Variants in STOX2 observed in about 807,000 individuals in gnomAD.
The protein encoded by STOX2 is storkhead box 2, also known as storkhead-box protein 2.
Under a neutral mutation model 60.9 loss-of-function variants are expected in STOX2, and 28 were observed. The ratio of observed to expected loss-of-function variants is 0.46; its 90% CI spans 0.34 to 0.63. STOX2 has a LOEUF of 0.63. Among genes scored for constraint, STOX2 ranks in the 30% least tolerant of loss-of-function variants. STOX2 has a pLI of 0.01. For missense variants in STOX2, 1,024 were observed against 1,187.7 expected, an observed-to-expected ratio of 0.86 and a Z score of 2.03; for synonymous variants, 472 against 463.9, an observed-to-expected ratio of 1.02 and a Z score of -0.22.
At chr4:183,976,848 A>T (rs1218747106) in intron 1 of STOX2, among the ~76,000 whole-genome samples, 1 of 152,180 alleles carries the variant, frequency 6.6e-6, no homozygotes, top group Non-Finnish European at 1.5e-5. Context: ...GTTTCTATCC[A>T]TTGGAATAAG....
chr4:183,920,889 A>T (rs1263389068), intron 1 of STOX2, among the ~76,000 whole-genome samples: 1 of 152,248 alleles, frequency 6.6e-6, no homozygotes, highest in Admixed American at 6.5e-5. Context: ...CCTAGGTCTT[A>T]ACGCATTTAG....
intron 1 of STOX2, among the ~76,000 whole-genome samples, chr4:183,800,885 C>T (rs1031535222): frequency 6.6e-6 from 1 of 152,340 alleles, no homozygotes; most frequent in East Asian, 1.9e-4. Context: ...TGATTTCACA[C>T]AACCCAGAGC....
intron 1 of STOX2, among the ~76,000 whole-genome samples, chr4:183,984,005 C>A (rs140567046): frequency 4.6e-5 from 7 of 152,190 alleles, no homozygotes; most frequent in African/African-American, 1.2e-4. Flanking sequence ...CAGTAATGAA[C>A]CCTCAGCCCC....
chr4:183,832,072 C>G (rs1325130526), intron 1 of STOX2, among the ~76,000 whole-genome samples: 1 of 151,724 alleles, frequency 6.6e-6, no homozygotes, highest in Non-Finnish European at 1.5e-5. Flanking sequence ...TCACTGCAAC[C>G]TCTGCCTGCT....
At position 183,865,618 on chromosome 4, in the gene STOX2, A is replaced by T. The variant is rs1329935401; in HGVS notation, c.364+67563A>T. On this transcript the variant is annotated intron_variant, in intron 1 of 2. Coordinates refer to the STOX2 transcript ENST00000513034. This position sits in a 1 kb window ranked among gnomAD's most constrained non-coding sequence, Gnocchi z 4.1. Reference sequence around the variant, plus strand: ...GTGAGTCTGCAGGACCGTAGATAGAAAGAATTTATGGGATGTAAAGAAAAA... The same window carrying T: ...GTGAGTCTGCAGGACCGTAGATAGATAGAATTTATGGGATGTAAAGAAAAA... Among the ~76,000 whole-genome samples, 2 of 152,220 alleles carry T rather than the reference A, an allele frequency of 1.3e-5. No individual in the cohort carries two copies. The highest frequency in any genetic ancestry group is 2.9e-5 in the Non-Finnish European group (2 of 68,038).
chr4:183,876,044 G>A (rs1158137962), intron 1 of STOX2, among the ~76,000 whole-genome samples: 3 of 152,108 alleles, frequency 2.0e-5, no homozygotes, highest in African/African-American at 4.8e-5. Context: ...TTGACCAGAG[G>A]CCCCATATCA....
In STOX2 at chr4:184,018,506, G is replaced by A. The variant is rs143085794; in HGVS notation, c.*1222G>A. On this transcript the variant is annotated 3_prime_UTR_variant, in exon 4 of 4. Coordinates refer to ENST00000308497, the MANE Select transcript of STOX2 (RefSeq NM_020225.3). ...CAGAATGTGCTCATTCTGCTAGTGCGGTATAATCCGAATTTGTACTCCCCT... is the reference window on the plus strand; with the variant it reads ...CAGAATGTGCTCATTCTGCTAGTGCAGTATAATCCGAATTTGTACTCCCCT... The A allele has an allele frequency of 5.3e-5, 8 of 152,198 alleles. No individual in the cohort carries two copies. Among genetic ancestry groups the A allele is most frequent in the Non-Finnish European group, 7.4e-5 (5 of 68,006 alleles). The allele number at this position is 152,198 out of a possible 1,614,324, so 9.4% of individuals were successfully genotyped here. A position where few individuals can be genotyped will look rare whatever the true frequency, so the allele number is the denominator to read the frequency against.
intron 1 of STOX2, among the ~76,000 whole-genome samples, chr4:183,918,961 G>A (rs1277646601): frequency 1.3e-5 from 2 of 152,152 alleles, no homozygotes; most frequent in Non-Finnish European, 2.9e-5. Flanking sequence ...GAGTTTCCAT[G>A]TTACTTATTC....
At chr4:183,976,248 G>A (rs1164835641) in intron 1 of STOX2, among the ~76,000 whole-genome samples, 2 of 152,124 alleles carry the variant, frequency 1.3e-5, no homozygotes, top group African/African-American at 4.8e-5. Flanking sequence ...GGAGGTGGAG[G>A]TTGCAGTGAG....
intron 1 of STOX2, among the ~76,000 whole-genome samples, chr4:183,833,631 G>A (rs535566302): frequency 1.8e-4 from 26 of 147,532 alleles, no homozygotes; most frequent in African/African-American, 7.0e-4. Flanking sequence ...TATTTCTGCA[G>A]GAGTTTTTTT....
intron 1 of STOX2, among the ~76,000 whole-genome samples, chr4:183,807,485 G>T (rs1738932197): frequency 6.6e-6 from 1 of 152,068 alleles, no homozygotes; most frequent in Non-Finnish European, 1.5e-5. Flanking sequence ...TGCCCGAGCC[G>T]CCAGGGTTTG....
intron 1 of STOX2, among the ~76,000 whole-genome samples, chr4:183,924,812 A>T (rs1245940232): frequency 5.9e-5 from 9 of 152,140 alleles, no homozygotes; most frequent in Admixed American, 5.9e-4. Flanking sequence ...TGAAGCAGGA[A>T]GTTGGCTGCA....
chr4:183,891,514 A>T (rs977715608), intron 1 of STOX2, among the ~76,000 whole-genome samples: 1 of 151,310 alleles, frequency 6.6e-6, no homozygotes, highest in Admixed American at 6.6e-5. Context: ...GGAATGGAAA[A>T]CCAAATGTTG....
chr4:183,953,012 G>T (rs1367173680), intron 1 of STOX2, among the ~76,000 whole-genome samples: 2 of 152,120 alleles, frequency 1.3e-5, no homozygotes, highest in Non-Finnish European at 2.9e-5. Flanking sequence ...CACAGGGAGG[G>T]GAGCATCACA....
intron 1 of STOX2, among the ~76,000 whole-genome samples, chr4:183,936,256 T>C (rs1262847407): frequency 6.6e-6 from 1 of 152,146 alleles, no homozygotes; most frequent in Non-Finnish European, 1.5e-5. Flanking sequence ...AAACCTTCGC[T>C]CTCATCTGTG....
chr4:183,876,875 C>T (rs1315383070), intron 1 of STOX2, among the ~76,000 whole-genome samples: 3 of 152,246 alleles, frequency 2.0e-5, no homozygotes, highest in South Asian at 2.1e-4. Flanking sequence ...ATTGTGAGTG[C>T]GAATGGAGAA....
At chr4:183,871,314 G>A (rs1482970180) in intron 1 of STOX2, among the ~76,000 whole-genome samples, 1 of 152,188 alleles carries the variant, frequency 6.6e-6, no homozygotes, top group East Asian at 1.9e-4. Flanking sequence ...TTCTTTGAAT[G>A]CCTTTGGTAG....
At chr4:183,883,980 G>A (rs1741017881) in intron 1 of STOX2, among the ~76,000 whole-genome samples, 1 of 151,904 alleles carries the variant, frequency 6.6e-6, no homozygotes, top group South Asian at 2.1e-4. Flanking sequence ...AGCATCCTGA[G>A]TAGCTGGGAC....
intron 1 of STOX2, among the ~76,000 whole-genome samples, chr4:183,925,419 G>T (rs572500397): frequency 6.6e-6 from 1 of 152,240 alleles, no homozygotes; most frequent in South Asian, 2.1e-4. Context: ...CTGGGCTCAA[G>T]AGATACTCCC....
Sources: allele counts gnomAD v4.1 joint callset (sites outside exome capture counted in the v4.1 genomes callset), GRCh38; gene constraint gnomAD v4.1.1; non-coding constraint Gnocchi (gnomAD v3.1); transcripts MANE v1.5; gene names NCBI Gene and HGNC (gene_info 2026-07-23, HGNC 2026-07-21).